The following TMEM182 variants were observed in gnomAD, a reference collection of about 807,000 sequenced individuals.
TMEM182 encodes the protein transmembrane protein 182.
A neutral mutation model predicts 26.8 loss-of-function variants in TMEM182; 20 were observed. The observed-to-expected ratio is 0.75, with a 90% CI of 0.53 to 1.09. The LOEUF (loss-of-function observed/expected upper bound fraction) is 1.09, where lower values mean the gene tolerates loss of function less well. Ranked by LOEUF, TMEM182 falls within the 50% of genes least tolerant of loss-of-function variation. The pLI is 0.00. For synonymous variants in TMEM182, 109 were observed against 102.2 expected, an observed-to-expected ratio of 1.07 and a Z score of -0.40; for missense variants, 277 against 275.5, an observed-to-expected ratio of 1.01 and a Z score of -0.04.
Position 102,797,968 on chromosome 2 carries a change from A to G in TMEM182, c.437A>G (p.Tyr146Cys), listed in dbSNP as rs770714451. 49 of 1,614,012 alleles carry G rather than the reference A, an allele frequency of 3.0e-5. No homozygotes were observed. In the South Asian group the frequency reaches 4.9e-4, roughly 16 times the overall value. Residue 146 changes from tyrosine to cysteine, a missense_variant, in exon 4 of 5, where the codon TAC becomes TGC. Physicochemically the swap from Tyr to Cys is radical, Grantham distance 194 (BLOSUM62 -2). Transcript: ENST00000412401. ...GCCCCCTTCGCCAGCCATTTTCTCT[A>G]CAAAGCTGGGGGAGGCTCATATATT... ...CAAPFASHFL[Y>C]KAGGGSYIAA...
intron 1 of TMEM182, among the ~76,000 whole-genome samples, chr2:102,742,187 CTG>C (rs1352288405): frequency 6.6e-6 from 1 of 151,698 alleles, no homozygotes; most frequent in Non-Finnish European, 1.5e-5. Flanking sequence ...GAGATGAAAA[CTG>C]AAAGAATCAA....
intron 3 of TMEM182, among the ~76,000 whole-genome samples, chr2:102,795,962 G>A (rs1367334974): frequency 6.6e-6 from 1 of 152,098 alleles, no homozygotes; most frequent in Non-Finnish European, 1.5e-5. Context: ...CCTCTATCTA[G>A]AGGGTTGGGT....
At chr2:102,750,691 T>C (rs1387008321) in intron 1 of TMEM182, among the ~76,000 whole-genome samples, 2 of 152,198 alleles carry the variant, frequency 1.3e-5, no homozygotes, top group Non-Finnish European at 2.9e-5. Context: ...AGTTTTGTGA[T>C]GATTGCATAG....
chr2:102,796,190 T>C (rs898465568), intron 3 of TMEM182, among the ~76,000 whole-genome samples: 7 of 152,230 alleles, frequency 4.6e-5, no homozygotes, highest in Non-Finnish European at 8.8e-5. Flanking sequence ...CCCCATTCGC[T>C]TGCCTTCAGG....
Position 102,815,872 on chromosome 2 carries a change from C to A in TMEM182, c.*904C>A. On this transcript the variant is annotated 3_prime_UTR_variant, in exon 5 of 5. Transcript: ENST00000412401. ...GATTTTAATATTTTTTAGATATAAACTTTCAACGTACTTCCATATGAGGAT... is the reference window on the plus strand; with the variant it reads ...GATTTTAATATTTTTTAGATATAAAATTTCAACGTACTTCCATATGAGGAT... 1.1e-6 allele frequency: 1 copy of A among 920,888 alleles called. No individual in the cohort carries two copies. Among genetic ancestry groups the A allele is most frequent in the Non-Finnish European group, 1.3e-6 (1 of 771,656 alleles). 57.0% of individuals were successfully genotyped at this position (920,888 alleles called of 1,614,324 possible).
chr2:102,810,861 C>G (rs1035308296), intron 4 of TMEM182, among the ~76,000 whole-genome samples: 2 of 151,878 alleles, frequency 1.3e-5, no homozygotes, highest in Non-Finnish European at 2.9e-5. Context: ...TCTATTCTTG[C>G]TAAAGTCACT....
chr2:102,814,824 C>T lies in TMEM182; in HGVS notation c.546C>T (p.Asn182=), dbSNP rs751820205. Residue 182 remains asparagine, a synonymous_variant, in exon 5 of 5, where the codon AAC becomes AAT. Coordinates refer to ENST00000412401, the MANE Select transcript of TMEM182 (RefSeq NM_144632.5). ...TGGCTGACATGGAAAGCTACCGAAA[C>T]ATGAAAATGAAGGACTGCCTGGATT... The part of the protein sequence containing the change: ...QAVADMESYR[N]MKMKDCLDFT... The T allele has an allele frequency of 5.0e-6, 8 of 1,613,872 alleles. No individual in the cohort carries two copies. The South Asian group carries it at 7.7e-5, about 16-fold the overall frequency.
chr2:102,822,948 A>G lies in TMEM182; in HGVS notation c.326-20464A>G, dbSNP rs924794566. ...AACCAACCAACCAAACAAAATCCCT[A>G]TTGTTCACTTAGTATGTACTAGTTC... On this transcript the variant is annotated intron_variant, in intron 3 of 3. Coordinates refer to the TMEM182 transcript ENST00000486293. Among the ~76,000 whole-genome samples, 5 of 152,330 alleles carry G rather than the reference A, an allele frequency of 3.3e-5. No individual in the cohort carries two copies. In the South Asian group the frequency reaches 6.2e-4, roughly 19 times the overall value.
chr2:102,759,189 A>G (rs543543352), upstream of TMEM182, among the ~76,000 whole-genome samples: 1 of 152,194 alleles, frequency 6.6e-6, no homozygotes, highest in African/African-American at 2.4e-5. Context: ...ATTTAGTATT[A>G]TTGCATGGAA....
intron 3 of TMEM182, among the ~76,000 whole-genome samples, chr2:102,832,014 G>T (rs1208186125): frequency 6.6e-6 from 1 of 152,210 alleles, no homozygotes; most frequent in South Asian, 2.1e-4. Context: ...CAAGAAGACA[G>T]TGGGAAATGT....
At chr2:102,824,582 T>G (rs1056929336) in intron 3 of TMEM182, among the ~76,000 whole-genome samples, 1 of 152,180 alleles carries the variant, frequency 6.6e-6, no homozygotes, top group South Asian at 2.1e-4. Flanking sequence ...CCCAGCACTT[T>G]GGGAGGCCGA....
chr2:102,817,775 G>A (rs1035823174), downstream of TMEM182: 11 of 909,922 alleles, frequency 1.2e-5, no homozygotes, highest in African/African-American at 3.6e-5. Flanking sequence ...AAGTGTGCAT[G>A]TGTATTATAT....
At chr2:102,739,626 G>A (rs770389001) in intron 1 of TMEM182, among the ~76,000 whole-genome samples, 2 of 152,108 alleles carry the variant, frequency 1.3e-5, no homozygotes, top group African/African-American at 2.4e-5. Flanking sequence ...CTCCTGCCAC[G>A]TGAGATGCCT....
chr2:102,822,529 C>A (rs564187403), downstream of TMEM182, among the ~76,000 whole-genome samples: 2 of 151,660 alleles, frequency 1.3e-5, no homozygotes, highest in South Asian at 4.2e-4. Context: ...GGTATAGGGG[C>A]GGGAATGGAA....
intron 3 of TMEM182, among the ~76,000 whole-genome samples, chr2:102,779,507 A>G (rs1223199148): frequency 6.6e-6 from 1 of 152,024 alleles, no homozygotes; most frequent in Non-Finnish European, 1.5e-5. Context: ...GTTTTTGTTC[A>G]TTTTTTAAGT....
At chr2:102,769,021 C>A (rs184723676) in intron 3 of TMEM182, among the ~76,000 whole-genome samples, 1 of 152,174 alleles carries the variant, frequency 6.6e-6, no homozygotes, top group Non-Finnish European at 1.5e-5. Context: ...GCTCTGTCAA[C>A]TGTTTCTTCT....
chr2:102,783,945 CT>C (rs1681277629), intron 3 of TMEM182, among the ~76,000 whole-genome samples: 2 of 151,934 alleles, frequency 1.3e-5, no homozygotes, highest in South Asian at 4.1e-4. Context: ...TCTCAGCTAT[CT>C]TGTCTGTCCC....
chr2:102,764,758 G>A (rs2540295), intron 3 of TMEM182, among the ~76,000 whole-genome samples: 73,784 of 151,576 alleles, frequency 0.49, 18,786 homozygotes, highest in African/African-American at 0.64. Flanking sequence ...CTACAGTTGA[G>A]AATATTGTAA....
chr2:102,816,331 G>T lies in TMEM182; in HGVS notation c.*1363G>T. On this transcript the variant is annotated 3_prime_UTR_variant, in exon 5 of 5. Coordinates refer to ENST00000412401, the MANE Select transcript of TMEM182 (RefSeq NM_144632.5). The stretch of plus-strand genomic sequence containing the variant: ...AGGCAAAAAAAGTCACCACCCAGAA[G>T]ATGCTCTGGGATAGAGGAACTGCTC... 1.0e-6 allele frequency: 1 copy of T among 985,258 alleles called. No individual in the cohort carries two copies. Among genetic ancestry groups the T allele is most frequent in the South Asian group, 4.7e-5 (1 of 21,272 alleles). 61.0% of individuals were successfully genotyped at this position (985,258 alleles called of 1,614,324 possible).
Sources: allele counts gnomAD v4.1 joint callset (sites outside exome capture counted in the v4.1 genomes callset), GRCh38; gene constraint gnomAD v4.1.1; transcripts MANE v1.5; gene names NCBI Gene and HGNC (gene_info 2026-07-23, HGNC 2026-07-21).